ADGRE5: variants seen among roughly 807,000 people sequenced by gnomAD.
ADGRE5 encodes CD97 molecule.
Under a neutral mutation model 100.3 loss-of-function variants are expected in ADGRE5, and 72 were observed. That is an observed-to-expected ratio of 0.72 (90% CI 0.59 to 0.87). The LOEUF (loss-of-function observed/expected upper bound fraction) is 0.87. Ranked by LOEUF, ADGRE5 falls within the 40% of genes least tolerant of loss-of-function variation. The pLI is 0.00. For missense variants in ADGRE5, 959 were observed against 1,094.7 expected, an observed-to-expected ratio of 0.88 and a Z score of 1.75; for synonymous variants, 439 against 447.8, an observed-to-expected ratio of 0.98 and a Z score of 0.25.
Position 14,408,372 on chromosome 19 carries a change from G to A in ADGRE5, c.*251G>A, listed in dbSNP as rs1346201126. On this transcript the variant is annotated 3_prime_UTR_variant, in exon 20 of 20. Transcript: ENST00000242786. ...CACCTTGTGACCCAGGGTGGGGACA[G>A]GGGCTGGCCCAGGGCTGCAATGCAG... The A allele has an allele frequency of 4.2e-5, 26 of 612,174 alleles. No individual in the cohort carries two copies. The highest frequency in any genetic ancestry group is 4.1e-4 in the South Asian group (22 of 53,534). The allele number at this position is 612,174 out of a possible 1,614,324, so 37.9% of individuals were successfully genotyped here.
At chr19:14,385,788 T>C (rs1975327294) in intron 1 of ADGRE5, among the ~76,000 whole-genome samples, 1 of 150,486 alleles carries the variant, frequency 6.6e-6, no homozygotes, top group African/African-American at 2.4e-5. Context: ...TTTTTTTTTC[T>C]GAGACGGAGT....
At chr19:14,388,254 C>T (rs1005260166) in intron 1 of ADGRE5, among the ~76,000 whole-genome samples, 196 bp from the exon 2 acceptor site, 2 of 151,888 alleles carry the variant, frequency 1.3e-5, no homozygotes, top group African/African-American at 4.8e-5. Flanking sequence ...CAAAAAAACC[C>T]GCCCCTATGG....
At chr19:14,389,081 C>T (rs1975465924) in intron 3 of ADGRE5, among the ~76,000 whole-genome samples, 1 of 142,874 alleles carries the variant, frequency 7.0e-6, no homozygotes. Context: ...GAGTTTGAGG[C>T]TGCAGTGAGC....
chr19:14,400,021 T>A (rs1166452967), intron 9 of ADGRE5, among the ~76,000 whole-genome samples: 1 of 151,890 alleles, frequency 6.6e-6, no homozygotes, highest in Non-Finnish European at 1.5e-5. Flanking sequence ...TTTTCATTTT[T>A]TTTTTTTCTT....
intron 14 of ADGRE5, 23 bp downstream of exon 14, chr19:14,405,962 C>A (rs754167391): frequency 1.3e-6 from 2 of 1,590,862 alleles, no homozygotes; most frequent in African/African-American, 2.7e-5. Flanking sequence ...CCCGCTCCCT[C>A]CTGAGCTCTG....
intron 1 of ADGRE5, among the ~76,000 whole-genome samples, chr19:14,384,087 C>G (rs1288493303): frequency 6.6e-6 from 1 of 152,080 alleles, no homozygotes; most frequent in Non-Finnish European, 1.5e-5. Context: ...ATTTTGTGGT[C>G]TGTTCTGCAA....
rs1976135843 is a variant in ADGRE5 at position 14,404,403 on chromosome 19, G to A, written c.1470G>A (p.Arg490=). The A allele has an allele frequency of 1.2e-6, 2 of 1,609,930 alleles. No homozygotes were observed. Among genetic ancestry groups the A allele is most frequent in the Non-Finnish European group, 8.5e-7 (1 of 1,179,082 alleles). The stretch of plus-strand genomic sequence containing the variant: ...CACAGGACGTGATGCCTGGGCCACG[G>A]CAGGAGCTGCTCTGTGCCTTCTGGA... ...PPAKDVMPGP[R]QELLCAFWKS... The change falls in exon 13 of 20, where the codon CGG becomes CGA. Residue 490 remains arginine (R), a synonymous_variant. Transcript: ENST00000242786.
rs150041019 is a variant in ADGRE5 at position 14,406,886 on chromosome 19, C to T, written c.2133C>T (p.Phe711=). The change falls in exon 17 of 20, where the codon TTC becomes TTT. Residue 711 remains phenylalanine (F), a synonymous_variant. Coordinates refer to ENST00000242786, the MANE Select transcript of ADGRE5 (RefSeq NM_078481.4). The surrounding 1 kb of genome is among the most constrained non-coding windows in gnomAD (Gnocchi z 6.0). ...TFIILCNAVI[F]VTTVWKLTQK... ...CTGCCCAGTGCAATGCTGTCATTTT[C>T]GTGACTACCGTCTGGAAGCTCACTC... 4.3e-6 allele frequency: 7 copies of T among 1,614,112 alleles called. No homozygotes were observed. The highest frequency in any genetic ancestry group is 1.1e-5 in the South Asian group (1 of 91,086).
chr19:14,382,787 G>A (rs902813789), intron 1 of ADGRE5, among the ~76,000 whole-genome samples: 5 of 151,084 alleles, frequency 3.3e-5, no homozygotes, highest in Non-Finnish European at 5.9e-5. Context: ...TCGGCTCACT[G>A]CAACCTCCGC....
chr19:14,404,271 C>A, intron 12 of ADGRE5, 112 bp from the exon 13 acceptor site: 1 of 930,604 alleles, frequency 1.1e-6, no homozygotes, highest in Non-Finnish European at 1.6e-6. Context: ...ATTCAGTAGG[C>A]GCTCGGTCAA....
chr19:14,388,620 G>A (rs1373243921), intron 2 of ADGRE5, 82 bp from the exon 3 acceptor site: 15 of 1,608,624 alleles, frequency 9.3e-6, no homozygotes, highest in South Asian at 1.1e-5. Flanking sequence ...GAAACTCAGC[G>A]CCCTGCCCCA....
intron 3 of ADGRE5, among the ~76,000 whole-genome samples, chr19:14,389,918 A>G (rs112567286): frequency 2.8e-4 from 42 of 149,678 alleles, no homozygotes; most frequent in African/African-American, 1.0e-3. Context: ...AAAATACAAA[A>G]TTAACCGGGT....
intron 18 of ADGRE5, among the ~76,000 whole-genome samples, chr19:14,407,655 G>A: frequency 2.2e-5 from 3 of 137,076 alleles, no homozygotes; most frequent in African/African-American, 9.3e-5. Flanking sequence ...AAAAAAAAAA[G>A]CCGGGTGTGC....
At chr19:14,402,047 A>G (rs970183449) in intron 11 of ADGRE5, among the ~76,000 whole-genome samples, 7 of 151,834 alleles carry the variant, frequency 4.6e-5, no homozygotes, top group Admixed American at 6.6e-5. Flanking sequence ...GAGAGGATCA[A>G]TTGAGCCCGG....
intron 9 of ADGRE5, among the ~76,000 whole-genome samples, chr19:14,400,214 A>G (rs565795124): frequency 4.6e-5 from 7 of 151,576 alleles, no homozygotes; most frequent in Admixed American, 2.0e-4. Context: ...TAGAGATGGG[A>G]TTTCACCATG....
rs1976398290 is a variant in ADGRE5, at chr19:14,408,713, T to C, written c.*592T>C. 1.7e-6 allele frequency: 1 copy of C among 605,034 alleles called. No homozygotes were observed. The highest frequency in any genetic ancestry group is 2.6e-5 in the South Asian group (1 of 38,916). The allele number at this position is 605,034 out of a possible 1,614,324, so 37.5% of individuals were successfully genotyped here. A position where few individuals can be genotyped will look rare whatever the true frequency, so the allele number is the denominator to read the frequency against. On this transcript the variant is annotated 3_prime_UTR_variant, in exon 20 of 20. Coordinates refer to ENST00000242786, the MANE Select transcript of ADGRE5 (RefSeq NM_078481.4). Reference sequence around the variant, plus strand: ...GTGTTGACACTTAAAATTAAACACATGCATACAGAAGATGGCCTTGCCTGC... The same window carrying C: ...GTGTTGACACTTAAAATTAAACACACGCATACAGAAGATGGCCTTGCCTGC...
intron 9 of ADGRE5, among the ~76,000 whole-genome samples, chr19:14,399,563 CAAAAAAAAAAAAAAAAAA>C (rs764605166): frequency 3.1e-5 from 1 of 31,826 alleles, no homozygotes; most frequent in Non-Finnish European, 6.7e-5. Flanking sequence ...GACTCCGTCT[CAAAAAAAAAAAAAAAAAA>C]AAAAAAAAAA....
chr19:14,399,326 G>C (rs1443512128), intron 9 of ADGRE5, among the ~76,000 whole-genome samples: 2 of 151,452 alleles, frequency 1.3e-5, no homozygotes, highest in East Asian at 3.9e-4. Context: ...ACTTTGGGAG[G>C]CTGAGGCAGG....
intron 4 of ADGRE5, among the ~76,000 whole-genome samples, chr19:14,394,879 T>A (rs1349937907): frequency 3.3e-5 from 5 of 152,104 alleles, no homozygotes; most frequent in African/African-American, 1.2e-4. Context: ...TTAGCCCTCA[T>A]CCATTTCCCC....
Sources: allele counts gnomAD v4.1 joint callset (sites outside exome capture counted in the v4.1 genomes callset), GRCh38; gene constraint gnomAD v4.1.1; non-coding constraint Gnocchi (gnomAD v3.1); transcripts MANE v1.5; gene names NCBI Gene and HGNC (gene_info 2026-07-23, HGNC 2026-07-21).